VPS13B: variants seen among roughly 807,000 people sequenced by gnomAD.
VPS13B encodes the protein intermembrane lipid transfer protein VPS13B.
Under a neutral mutation model 426.4 loss-of-function variants are expected in VPS13B, and 285 were observed. The ratio of observed to expected loss-of-function variants is 0.67; its 90% CI spans 0.61 to 0.74. The LOEUF (loss-of-function observed/expected upper bound fraction) is 0.74, where lower values mean the gene tolerates loss of function less well. Ranked by LOEUF, VPS13B falls within the 30% of genes least tolerant of loss-of-function variation. The pLI is 0.00. For synonymous variants in VPS13B, 1,676 were observed against 1,676.4 expected, an observed-to-expected ratio of 1.00 and a Z score of 0.01; for missense variants, 4,537 against 4,782.6, an observed-to-expected ratio of 0.95 and a Z score of 1.51.
At position 99,049,063 on chromosome 8, in the gene VPS13B, G is replaced by C. The variant is rs1017118836; in HGVS notation, c.291+10497G>C. On this transcript the variant is annotated intron_variant, in intron 3 of 61. Coordinates refer to ENST00000357162, the MANE Select transcript of VPS13B (RefSeq NM_152564.5). ...AGTTTATGTGAGTCCTTATGTGGTA[G>C]GTGAGTCTCTTGAAGGCAGCTGATG... 1.2e-4 allele frequency among the ~76,000 whole-genome samples: 18 copies of C among 152,232 alleles called. No individual in the cohort carries two copies. In the East Asian group the frequency reaches 2.3e-3, roughly 20 times the overall value.
intron 24 of VPS13B, among the ~76,000 whole-genome samples, chr8:99,480,932 T>C (rs1820001190): frequency 6.6e-6 from 1 of 152,198 alleles, no homozygotes; most frequent in Non-Finnish European, 1.5e-5. Context: ...TGGCACTACG[T>C]TGTCATACAA....
At chr8:99,706,198 G>A (rs1832490821) in intron 36 of VPS13B, among the ~76,000 whole-genome samples, 1 of 152,050 alleles carries the variant, frequency 6.6e-6, no homozygotes, top group Non-Finnish European at 1.5e-5. Context: ...GTTAAATCAA[G>A]CACTGCCTGT....
At chr8:99,148,045 C>T in intron 14 of VPS13B, 35 bp downstream of exon 14, 1 of 1,532,378 alleles carries the variant, frequency 6.5e-7, no homozygotes, top group Admixed American at 1.7e-5. Flanking sequence ...TTTTTTCCCT[C>T]ATATATGGAT....
rs894087876 is a variant in VPS13B, at chr8:99,731,213, G to C, written c.7050+10166G>C. Among the ~76,000 whole-genome samples, 7 of 152,160 alleles carry C rather than the reference G, an allele frequency of 4.6e-5. No individual in the cohort carries two copies. In the South Asian group the frequency reaches 6.2e-4, roughly 14 times the overall value. On this transcript the variant is annotated intron_variant, in intron 39 of 61. Coordinates refer to ENST00000357162, the MANE Select transcript of VPS13B (RefSeq NM_152564.5). ...CTCCATTCATTCCATGGTGGGAAAA[G>C]AGAAGGAAACTCATTTTTTGAGCAC...
chr8:99,668,252 G>A (rs543871388), intron 35 of VPS13B, among the ~76,000 whole-genome samples: 3 of 151,608 alleles, frequency 2.0e-5, no homozygotes, highest in Admixed American at 6.6e-5. Context: ...GCTACTCAGA[G>A]AGCCGAGGTG....
chr8:99,760,418 G>A (rs1810868589), intron 39 of VPS13B, among the ~76,000 whole-genome samples: 1 of 152,054 alleles, frequency 6.6e-6, no homozygotes, highest in African/African-American at 2.4e-5. Context: ...AACAATACAG[G>A]TTTTATTATC....
intron 6 of VPS13B, 37 bp downstream of exon 6, chr8:99,111,316 C>G: frequency 1.3e-6 from 2 of 1,544,412 alleles, no homozygotes; most frequent in Non-Finnish European, 8.9e-7. Flanking sequence ...AGTTGCATGT[C>G]TTTATTTTGT....
rs1563639157 is a variant in VPS13B, at chr8:99,271,232, AC to A, written c.2516-2965del. Reference sequence around the variant, plus strand: ...TACTACTACTACTACTACTACTACTACTACTACTACTACTACGATGATGATT... The same window carrying A: ...TACTACTACTACTACTACTACTACTATACTACTACTACTACGATGATGATT... On this transcript the variant is annotated intron_variant, in intron 17 of 61. Coordinates refer to ENST00000357162, the MANE Select transcript of VPS13B (RefSeq NM_152564.5). Among the ~76,000 whole-genome samples the A allele has an allele frequency of 3.3e-5, 5 of 150,822 alleles. No individual in the cohort carries two copies. In the Admixed American group the frequency reaches 3.3e-4, roughly 10 times the overall value.
intron 39 of VPS13B, among the ~76,000 whole-genome samples, chr8:99,753,160 A>G (rs1183884681): frequency 6.6e-6 from 1 of 152,230 alleles, no homozygotes; most frequent in Admixed American, 6.5e-5. Flanking sequence ...ATGCATTTTA[A>G]AATATTAGTT....
chr8:99,131,518 A>C (rs1809801636), intron 8 of VPS13B, among the ~76,000 whole-genome samples: 1 of 152,248 alleles, frequency 6.6e-6, no homozygotes, highest in Non-Finnish European at 1.5e-5. Context: ...AATAAAGCGA[A>C]TATAGCAATA....
intron 16 of VPS13B, among the ~76,000 whole-genome samples, chr8:99,190,423 G>A (rs1222931726): frequency 1.3e-5 from 2 of 150,964 alleles, no homozygotes; most frequent in African/African-American, 2.4e-5. Context: ...TATATTTTGG[G>A]GTTTAGTTCT....
intron 3 of VPS13B, among the ~76,000 whole-genome samples, chr8:99,087,670 A>G (rs977030903): frequency 3.3e-5 from 5 of 150,256 alleles, no homozygotes; most frequent in East Asian, 2.0e-4. Context: ...CTGGCTGCCA[A>G]TTCTTTGGTT....
chr8:99,778,070 A>C (rs1305354617), intron 41 of VPS13B, among the ~76,000 whole-genome samples: 1 of 151,954 alleles, frequency 6.6e-6, no homozygotes, highest in Admixed American at 6.6e-5. Context: ...TCTCTACTAA[A>C]AATACAAAAA....
At chr8:99,229,650 G>A (rs959300617) in intron 17 of VPS13B, among the ~76,000 whole-genome samples, 3 of 152,104 alleles carry the variant, frequency 2.0e-5, no homozygotes, top group East Asian at 1.9e-4. Context: ...ATAAAGGACC[G>A]TTACGGGCAA....
chr8:99,308,827 T>A (rs1820790567), intron 19 of VPS13B, among the ~76,000 whole-genome samples: 1 of 152,108 alleles, frequency 6.6e-6, no homozygotes, highest in Non-Finnish European at 1.5e-5. Context: ...TTTCTCCACA[T>A]CCTCTCCAGC....
chr8:99,441,913 C>T (rs1193253778), intron 22 of VPS13B, among the ~76,000 whole-genome samples: 3 of 151,924 alleles, frequency 2.0e-5, no homozygotes, highest in Non-Finnish European at 4.4e-5. Flanking sequence ...TAAACATGTT[C>T]TTTAATGGTT....
rs148237272 is a variant in VPS13B at position 99,224,113 on chromosome 8, C to T, written c.2515+31056C>T. On this transcript the variant is annotated intron_variant, in intron 17 of 61. Coordinates refer to ENST00000357162, the MANE Select transcript of VPS13B (RefSeq NM_152564.5). ...AAGACTTTAGGTCTGTGAGGTTGTG[C>T]GGGCTTGAATGTGATTTTTATTTGA... Among the ~76,000 whole-genome samples the T allele has an allele frequency of 3.0e-3, 459 of 152,184 alleles. 1 individual carries two copies. The highest frequency in any genetic ancestry group is 8.1e-3 in the African/African-American group (338 of 41,522).
chr8:99,196,801 T>C (rs1358198800), intron 17 of VPS13B, among the ~76,000 whole-genome samples: 1 of 152,194 alleles, frequency 6.6e-6, no homozygotes, highest in Non-Finnish European at 1.5e-5. Context: ...CTTTTTTTTC[T>C]ATTACAATGC....
intron 19 of VPS13B, among the ~76,000 whole-genome samples, chr8:99,369,684 A>G (rs1248272323): frequency 6.6e-6 from 1 of 152,226 alleles, no homozygotes; most frequent in African/African-American, 2.4e-5. Flanking sequence ...TTTTTAGAAT[A>G]TATACTCGTT....
Sources: allele counts gnomAD v4.1 joint callset (sites outside exome capture counted in the v4.1 genomes callset), GRCh38; gene constraint gnomAD v4.1.1; transcripts MANE v1.5; gene names NCBI Gene and HGNC (gene_info 2026-07-23, HGNC 2026-07-21).